Variants in SCG5 observed in about 807,000 individuals in gnomAD.
SCG5 encodes the protein secretogranin V, also known as neuroendocrine protein 7B2.
In SCG5, 18 loss-of-function variants were observed where a neutral mutation model predicts 25.7. The observed-to-expected ratio is 0.70, with a 90% confidence interval of 0.48 to 1.04. The LOEUF (loss-of-function observed/expected upper bound fraction) is 1.04. SCG5 is among the 50% of genes least tolerant of loss of function. The pLI is 0.00. For synonymous variants in SCG5, 101 were observed against 91.7 expected (o/e 1.10, Z -0.58); for missense variants, 206 against 259.8 (o/e 0.79, Z 1.42).
chr15:32,643,315 A>G (rs149257772), intron 1 of SCG5, among the ~76,000 whole-genome samples: 1,601 of 152,296 alleles, frequency 0.011, 37 homozygotes, highest in African/African-American at 0.037. Flanking sequence ...GATAAAAATT[A>G]TGAGTGAGAA....
At chr15:32,679,724 A>G (rs1276537647) in intron 2 of SCG5, 42 bp from the exon 3 acceptor site, 1 of 1,606,114 alleles carries the variant, frequency 6.2e-7, no homozygotes, top group East Asian at 2.2e-5. Context: ...GTTGAAATTA[A>G]TTGAATTGCA....
At chr15:32,650,826 G>T (rs569908430) in intron 2 of SCG5, among the ~76,000 whole-genome samples, 1 of 152,220 alleles carries the variant, frequency 6.6e-6, no homozygotes, top group South Asian at 2.1e-4. Flanking sequence ...CAGTTATCTA[G>T]CCATTAAGAT....
intron 4 of SCG5, among the ~76,000 whole-genome samples, chr15:32,690,388 G>C (rs961231200): frequency 3.3e-5 from 5 of 152,332 alleles, no homozygotes; most frequent in Middle Eastern, 3.4e-3. Context: ...TCTGCCTCAG[G>C]AGTTTTTACG....
chr15:32,657,864 A>G (rs1326115265), intron 2 of SCG5, among the ~76,000 whole-genome samples: 1 of 152,232 alleles, frequency 6.6e-6, no homozygotes, highest in Non-Finnish European at 1.5e-5. Context: ...TTATTTATGT[A>G]GGATCTCCAT....
chr15:32,669,978 G>A (rs1448954489), intron 2 of SCG5, among the ~76,000 whole-genome samples: 2 of 152,122 alleles, frequency 1.3e-5, no homozygotes, highest in Non-Finnish European at 1.5e-5. Context: ...CTCTGCTTGT[G>A]ATCCTAAATT....
intron 2 of SCG5, among the ~76,000 whole-genome samples, chr15:32,671,425 TA>T (rs1255840599): frequency 6.6e-6 from 1 of 152,140 alleles, no homozygotes; most frequent in Non-Finnish European, 1.5e-5. Flanking sequence ...GTCAGACATC[TA>T]AAATATGAAG....
intron 2 of SCG5, among the ~76,000 whole-genome samples, chr15:32,677,352 G>T (rs1246639409): frequency 6.6e-6 from 1 of 152,214 alleles, no homozygotes; most frequent in Non-Finnish European, 1.5e-5. Context: ...CAAAGCCAGA[G>T]TGATGCAATG....
At chr15:32,691,612 A>T in intron 4 of SCG5, 98 bp from the exon 5 acceptor site, 1 of 917,080 alleles carries the variant, frequency 1.1e-6, no homozygotes, top group Non-Finnish European at 1.7e-6. Flanking sequence ...GCGTATGCAA[A>T]TATCTAGGGG....
chr15:32,684,903 G>T (rs1483806477), intron 4 of SCG5, among the ~76,000 whole-genome samples: 1 of 152,154 alleles, frequency 6.6e-6, no homozygotes, highest in Non-Finnish European at 1.5e-5. Context: ...ATTGACCATA[G>T]TCTCCAGAGT....
rs527830223 is a variant in SCG5, at chr15:32,647,837, T to C, written c.226+4019T>C. 3.3e-5 allele frequency among the ~76,000 whole-genome samples: 5 copies of C among 152,288 alleles called. No homozygotes were observed. In the South Asian group the frequency reaches 1.0e-3, roughly 32 times the overall value. ...CTTTTTTCCTTTTTTTCTTTACCCA[T>C]TTGTTAGTTTCGTTTACAGGTTTCT... On this transcript the variant is annotated intron_variant, in intron 2 of 5. Transcript: ENST00000300175.
chr15:32,679,947 A>C, intron 3 of SCG5, 32 bp downstream of exon 3: 2 of 1,562,168 alleles, frequency 1.3e-6, no homozygotes, highest in Non-Finnish European at 1.7e-6. Flanking sequence ...TCCCATGAAA[A>C]GTTGGGGCTT....
intron 2 of SCG5, among the ~76,000 whole-genome samples, chr15:32,670,518 C>A (rs372088245): frequency 9.2e-5 from 14 of 152,366 alleles, no homozygotes; most frequent in South Asian, 8.3e-4. Context: ...GCAACATAAA[C>A]CCTCACCATT....
intron 5 of SCG5, among the ~76,000 whole-genome samples, chr15:32,695,007 CT>C (rs1372935558): frequency 4.2e-5 from 4 of 94,460 alleles, no homozygotes; most frequent in East Asian, 3.4e-4. Flanking sequence ...CAGCTTCTTT[CT>C]TTCTTTTTTT....
At chr15:32,670,573 G>A (rs140378238) in intron 2 of SCG5, among the ~76,000 whole-genome samples, 224 of 152,336 alleles carry the variant, frequency 1.5e-3, no homozygotes, top group African/African-American at 5.3e-3. Context: ...GGAGAGCTGA[G>A]GTGATAATAT....
rs1235955361 is a variant in SCG5 at position 32,643,789 on chromosome 15, T to C, written c.197T>C (p.Met66Thr). 6.2e-7 allele frequency: 1 copy of C among 1,613,822 alleles called. No homozygotes were observed. Among genetic ancestry groups the C allele is most frequent in the African/African-American group, 1.3e-5 (1 of 75,044 alleles). The change falls in exon 2 of 6, where the codon ATG becomes ACG. Residue 66 changes from methionine (M) to threonine (T), a missense_variant. By Grantham distance (81) the Met-to-Thr change is moderately conservative. Transcript: ENST00000300175. ...PRVEYPAHQA[M>T]NLVGPQSIEG... ...GTGGAATATCCAGCTCACCAGGCCA[T>C]GAATCTTGTGGGCCCCCAGAGCATT...
intron 2 of SCG5, among the ~76,000 whole-genome samples, chr15:32,663,080 A>AG (rs2054262224): frequency 1.3e-5 from 1 of 77,726 alleles, no homozygotes; most frequent in Non-Finnish European, 2.9e-5. Flanking sequence ...TATATATATA[A>AG]TATATAATAT....
intron 2 of SCG5, among the ~76,000 whole-genome samples, chr15:32,650,744 A>AGGCTGCTCAGTGCC (rs771459944): frequency 1.6e-4 from 24 of 152,220 alleles, no homozygotes; most frequent in Non-Finnish European, 2.9e-4. Flanking sequence ...GGTAAAAGAT[A>AGGCTGCTCAGTGCC]GGCTGCTCAG....
intron 3 of SCG5, chr15:32,684,312 G>T (rs930516687): frequency 2.0e-5 from 9 of 451,298 alleles, no homozygotes; most frequent in Non-Finnish European, 3.5e-5. Context: ...AGTCTAGCTG[G>T]GTGCTAAGGA....
chr15:32,675,370 C>T (rs761852595), intron 2 of SCG5, among the ~76,000 whole-genome samples: 2 of 152,124 alleles, frequency 1.3e-5, no homozygotes, highest in Non-Finnish European at 2.9e-5. Flanking sequence ...TTGCAGCCAC[C>T]CTAATTCCAA....
Sources: gnomAD v4.1 joint callset for allele counts (sites outside exome capture counted in the v4.1 genomes callset) on GRCh38, gnomAD v4.1.1 for gene constraint, MANE v1.5 for transcripts, NCBI Gene and HGNC (gene_info 2026-07-23, HGNC 2026-07-21) for gene names.